The following MTSS1 variants were observed in gnomAD, a reference collection of about 807,000 sequenced individuals.
MTSS1 encodes the protein protein MTSS 1.
Under a neutral mutation model 79.0 loss-of-function variants are expected in MTSS1, and 18 were observed. The observed-to-expected ratio is 0.23, with a 90% CI of 0.16 to 0.34. The LOEUF (loss-of-function observed/expected upper bound fraction) is 0.34, where lower values mean the gene tolerates loss of function less well. Ranked by LOEUF, MTSS1 falls within the 10% of genes least tolerant of loss-of-function variation. The probability of loss-of-function intolerance (pLI) is 1.00; values close to 1 mark genes in which losing one functional copy is unlikely to be tolerated. For missense variants in MTSS1, 815 were observed against 986.2 expected (o/e 0.83, Z 2.33); for synonymous variants, 341 against 368.6 (o/e 0.93, Z 0.86).
Position 124,562,966 on chromosome 8 carries a change from T to C in MTSS1, c.851A>G (p.Asp284Gly), listed in dbSNP as rs1468097466. 6.2e-7 allele frequency: 1 copy of C among 1,610,254 alleles called. No individual in the cohort carries two copies. Among genetic ancestry groups the C allele is most frequent in the South Asian group, 1.1e-5 (1 of 90,534 alleles). ...CSSLNSVNSS[D>G]SRSSGSHSHS... The stretch of plus-strand genomic sequence containing the variant: ...CGAGTGGGAGCCGCTGGACCGGGAG[T>C]CACTGCTGTTGACACTGTTCAGGCT... Residue 284 changes from aspartate to glycine, a missense_variant, in exon 10 of 14, where the codon GAC (aspartate) becomes GGC (glycine). By Grantham distance (94) the Asp-to-Gly change is moderately conservative. Around this residue, in one of 2 missense-constraint regions of MTSS1, gnomAD observed 225 missense variants for 365.4 expected, o/e 0.62. Coordinates refer to ENST00000518547, the MANE Select transcript of MTSS1 (RefSeq NM_014751.6).
At position 124,593,421 on chromosome 8, in the gene MTSS1, G is replaced by A. The variant is rs185263051; in HGVS notation, c.209-2186C>T. Among the ~76,000 whole-genome samples, 71 of 152,234 alleles carry A rather than the reference G, an allele frequency of 4.7e-4. 1 individual carries two copies. Among genetic ancestry groups the A allele is most frequent in the Admixed American group, 1.6e-3 (25 of 15,298 alleles). ...TTCTCATTTCAGAAATTTAACCTGC[G>A]GAAATGATTAAGAGTGAAAGAAAGT... On this transcript the variant is annotated intron_variant, in intron 3 of 13. Transcript: ENST00000518547.
chr8:124,699,428 C>G, intron 3 of MTSS1, 98 bp downstream of exon 3: 5 of 1,076,084 alleles, frequency 4.6e-6, no homozygotes, highest in Non-Finnish European at 7.0e-6. Context: ...CAGCTCAGCT[C>G]TGATAACTTA....
At position 124,637,806 on chromosome 8, in the gene MTSS1, T is replaced by C. The variant is rs1479956373; in HGVS notation, c.209-46571A>G. ...CTGTTTTTTGTGGTTATATTTTGGA[T>C]GTATACACTTGCTCATTCGTTCATT... is the stretch of plus-strand genomic sequence containing the variant. On this transcript the variant is annotated intron_variant, in intron 3 of 13. Transcript: ENST00000518547. Among the ~76,000 whole-genome samples, 5 of 152,266 alleles carry C rather than the reference T, an allele frequency of 3.3e-5. No individual in the cohort carries two copies. The South Asian group carries it at 8.3e-4, about 25-fold the overall frequency.
chr8:124,555,945 GGGGGGCTC>G (rs1385180951), intron 12 of MTSS1, 41 bp from the exon 13 acceptor site: 2 of 1,594,844 alleles, frequency 1.3e-6, no homozygotes, highest in Non-Finnish European at 1.7e-6. Context: ...TGCTTTAGGG[GGGGGGCTC>G]AACAGCACTC....
intron 3 of MTSS1, among the ~76,000 whole-genome samples, chr8:124,667,855 A>T (rs1823395823): frequency 6.6e-6 from 1 of 151,624 alleles, no homozygotes; most frequent in Non-Finnish European, 1.5e-5. Flanking sequence ...GGGTGGGAGG[A>T]TTGCTTGAGC....
At chr8:124,591,280 G>A in intron 3 of MTSS1, 45 bp from the exon 4 acceptor site, 1 of 1,510,248 alleles carries the variant, frequency 6.6e-7, no homozygotes, top group South Asian at 1.1e-5. Flanking sequence ...AAGACTAGCA[G>A]GGATCATGGA....
intron 3 of MTSS1, among the ~76,000 whole-genome samples, chr8:124,643,796 T>C (rs1818512706): frequency 6.6e-6 from 1 of 151,960 alleles, no homozygotes; most frequent in Non-Finnish European, 1.5e-5. Flanking sequence ...ACCCATTGTG[T>C]CTATAAATAT....
At chr8:124,577,075 A>G (rs1330599831) in intron 6 of MTSS1, among the ~76,000 whole-genome samples, 1 of 152,160 alleles carries the variant, frequency 6.6e-6, no homozygotes, top group African/African-American at 2.4e-5. Context: ...AGTTGTGTCT[A>G]CGTGAGGTTT....
intron 10 of MTSS1, among the ~76,000 whole-genome samples, chr8:124,559,904 TC>T (rs1437581299): frequency 2.6e-5 from 4 of 152,230 alleles, no homozygotes; most frequent in Non-Finnish European, 5.9e-5. Context: ...CTGAAAGTGT[TC>T]CTGTATTCAC....
chr8:124,653,634 G>A (rs1176473568), intron 3 of MTSS1, among the ~76,000 whole-genome samples: 2 of 152,264 alleles, frequency 1.3e-5, no homozygotes, highest in Non-Finnish European at 2.9e-5. Flanking sequence ...TGAGGCAGGA[G>A]AATCGCTTGA....
intron 3 of MTSS1, among the ~76,000 whole-genome samples, chr8:124,664,045 G>A (rs552579159): frequency 1.3e-5 from 2 of 152,304 alleles, no homozygotes; most frequent in South Asian, 2.1e-4. Context: ...TGCCCAGGTC[G>A]GTGAGAAGAC....
intron 1 of MTSS1, among the ~76,000 whole-genome samples, chr8:124,723,633 G>T (rs1833268148): frequency 6.6e-6 from 1 of 152,130 alleles, no homozygotes; most frequent in Non-Finnish European, 1.5e-5. Flanking sequence ...TAAATCTCTG[G>T]GCACCCATCC....
At chr8:124,631,815 C>A (rs1314867926) in intron 3 of MTSS1, among the ~76,000 whole-genome samples, 1 of 152,228 alleles carries the variant, frequency 6.6e-6, no homozygotes, top group Non-Finnish European at 1.5e-5. Context: ...ACACCCACGG[C>A]CCTCCAAAGG....
At chr8:124,680,135 A>C (rs1329605917) in intron 3 of MTSS1, among the ~76,000 whole-genome samples, 2 of 152,250 alleles carry the variant, frequency 1.3e-5, no homozygotes, top group Non-Finnish European at 2.9e-5. Context: ...TGTTCAATAC[A>C]TGAAGCATGA....
At chr8:124,611,117 C>CCG (rs964002692) in intron 3 of MTSS1, among the ~76,000 whole-genome samples, 3 of 148,946 alleles carry the variant, frequency 2.0e-5, no homozygotes, top group East Asian at 1.9e-4. Flanking sequence ...CCCCCCCCCC[C>CCG]CAGCATGTGA....
At position 124,565,623 on chromosome 8, in the gene MTSS1, C is replaced by A. The variant is rs539926330; in HGVS notation, c.824+39G>T. 9.7e-5 allele frequency: 151 copies of A among 1,553,698 alleles called. 3 individuals carry two copies. The South Asian group carries it at 1.6e-3, about 17-fold the overall frequency. Reference sequence around the variant, plus strand: ...CTCACATTAGCATAAAGAAAAATGACCCGTCCTGAAAGCAAGAGTGGACCC... The same window carrying A: ...CTCACATTAGCATAAAGAAAAATGAACCGTCCTGAAAGCAAGAGTGGACCC... On this transcript the variant is annotated intron_variant, in intron 9 of 13. Coordinates refer to ENST00000518547, the MANE Select transcript of MTSS1 (RefSeq NM_014751.6).
At chr8:124,578,326 C>T (rs1245539176) in intron 6 of MTSS1, among the ~76,000 whole-genome samples, 1 of 152,150 alleles carries the variant, frequency 6.6e-6, no homozygotes, top group Non-Finnish European at 1.5e-5. Flanking sequence ...TGCTGATGCT[C>T]CTTTCTAAAT....
chr8:124,663,250 A>AAGAC (rs527762821), intron 3 of MTSS1, among the ~76,000 whole-genome samples: 2 of 152,120 alleles, frequency 1.3e-5, no homozygotes, highest in Non-Finnish European at 2.9e-5. Context: ...ACCTCATGCT[A>AAGAC]AGACAGACAG....
chr8:124,581,700 C>T (rs985038212), intron 6 of MTSS1, among the ~76,000 whole-genome samples: 5 of 151,926 alleles, frequency 3.3e-5, no homozygotes, highest in South Asian at 4.2e-4. Flanking sequence ...ATGATGCACC[C>T]GCCTCAGCCT....
Sources: allele counts gnomAD v4.1 joint callset (sites outside exome capture counted in the v4.1 genomes callset), GRCh38; gene constraint gnomAD v4.1.1; regional missense constraint gnomAD v4.1.1; transcripts MANE v1.5; gene names NCBI Gene and HGNC (gene_info 2026-07-23, HGNC 2026-07-21).